Variants in EDIL3 observed in about 807,000 individuals in gnomAD.
EDIL3 encodes the protein EGF-like repeat and discoidin I-like domain-containing protein 3.
A neutral mutation model predicts 67.4 loss-of-function variants in EDIL3; 37 were observed. The observed-to-expected ratio is 0.55, with a 90% CI of 0.42 to 0.72. EDIL3 has a LOEUF of 0.72. Among genes scored for constraint, EDIL3 ranks in the 30% least tolerant of loss-of-function variants. EDIL3 has a pLI of 0.00. For missense variants in EDIL3, 527 were observed against 586.3 expected (o/e 0.90, Z 1.04); for synonymous variants, 195 against 196.3 (o/e 0.99, Z 0.05).
At chr5:83,980,676 A>AAAAT (rs1744954925) in intron 9 of EDIL3, among the ~76,000 whole-genome samples, 1 of 141,054 alleles carries the variant, frequency 7.1e-6, no homozygotes, top group African/African-American at 2.6e-5. Flanking sequence ...GAAAGATTGA[A>AAAAT]ATATATATAT....
Position 84,238,763 on chromosome 5 carries a change from T to C in EDIL3, c.197-8879A>G, listed in dbSNP as rs1422022754. ...AATCATATAACATTGACAATGTAAT[T>C]TTCTTATCTGCAAAACTTGTCTCCC... is the stretch of plus-strand genomic sequence containing the variant. On this transcript the variant is annotated intron_variant, in intron 2 of 10. Coordinates refer to ENST00000296591, the MANE Select transcript of EDIL3 (RefSeq NM_005711.5). 2.0e-5 allele frequency among the ~76,000 whole-genome samples: 3 copies of C among 147,164 alleles called. No homozygotes were observed. The East Asian group carries it at 6.5e-4, about 32-fold the overall frequency.
chr5:84,059,024 A>G (rs1225165932), intron 9 of EDIL3, among the ~76,000 whole-genome samples: 1 of 152,088 alleles, frequency 6.6e-6, no homozygotes, highest in Non-Finnish European at 1.5e-5. Flanking sequence ...CTAGATCAAT[A>G]AAAAATGTTA....
At chr5:84,237,381 T>A (rs142316536) in intron 2 of EDIL3, among the ~76,000 whole-genome samples, 78 of 152,186 alleles carry the variant, frequency 5.1e-4, no homozygotes, top group African/African-American at 1.7e-3. Context: ...GACTTAATGA[T>A]TAAGAGTGTT....
At chr5:84,016,861 G>T (rs1276588374) in intron 9 of EDIL3, among the ~76,000 whole-genome samples, 1 of 152,152 alleles carries the variant, frequency 6.6e-6, no homozygotes, top group Admixed American at 6.6e-5. Flanking sequence ...TAAAGTCTTT[G>T]TATAAAGAGA....
At chr5:84,299,102 A>T (rs1746104318) in intron 1 of EDIL3, among the ~76,000 whole-genome samples, 1 of 152,206 alleles carries the variant, frequency 6.6e-6, no homozygotes, top group Admixed American at 6.5e-5. Flanking sequence ...AATATTCTGT[A>T]AGTAGGTTGC....
rs115023142 is a variant in EDIL3 at position 84,214,594 on chromosome 5, C to T, written c.226+15261G>A. Among the ~76,000 whole-genome samples, 480 of 152,236 alleles carry T rather than the reference C, an allele frequency of 3.2e-3. 3 individuals are homozygous for T. Among genetic ancestry groups the T allele is most frequent in the African/African-American group, 0.01 (430 of 41,534 alleles). On this transcript the variant is annotated intron_variant, in intron 3 of 10. Coordinates refer to ENST00000296591, the MANE Select transcript of EDIL3 (RefSeq NM_005711.5). ...GACAAGGAGAGTTGCCTGTAATTTACAGCATCTTTAATATTCTTATCAAAT... is the reference window on the plus strand; with the variant it reads ...GACAAGGAGAGTTGCCTGTAATTTATAGCATCTTTAATATTCTTATCAAAT...
At chr5:83,949,101 TG>T (rs1744363024) in intron 10 of EDIL3, among the ~76,000 whole-genome samples, 1 of 151,820 alleles carries the variant, frequency 6.6e-6, no homozygotes, top group Non-Finnish European at 1.5e-5. Context: ...CAGTAGACTT[TG>T]TTAATAAGTG....
intron 1 of EDIL3, among the ~76,000 whole-genome samples, chr5:84,254,815 G>A (rs1328698736): frequency 1.3e-5 from 2 of 152,194 alleles, no homozygotes; most frequent in Non-Finnish European, 2.9e-5. Context: ...GAAAGAAACT[G>A]CTACAGAGAA....
chr5:84,241,345 C>A (rs1744789469), intron 2 of EDIL3, among the ~76,000 whole-genome samples: 1 of 152,168 alleles, frequency 6.6e-6, no homozygotes, highest in African/African-American at 2.4e-5. Flanking sequence ...GTTGATCTAT[C>A]ATATCCAAGA....
intron 3 of EDIL3, among the ~76,000 whole-genome samples, chr5:84,205,041 T>C (rs1743935004): frequency 6.6e-6 from 1 of 151,400 alleles, no homozygotes; most frequent in African/African-American, 2.4e-5. Flanking sequence ...GCCTCCCATG[T>C]AGCTGGGACT....
intron 4 of EDIL3, among the ~76,000 whole-genome samples, chr5:84,141,767 T>C (rs1041912782): frequency 1.2e-4 from 18 of 149,386 alleles, no homozygotes; most frequent in African/African-American, 3.9e-4. Flanking sequence ...TCTTTATCGG[T>C]ATGTCATACA....
At chr5:84,191,082 T>G (rs1380181324) in intron 3 of EDIL3, among the ~76,000 whole-genome samples, 1 of 152,072 alleles carries the variant, frequency 6.6e-6, no homozygotes, top group Non-Finnish European at 1.5e-5. Flanking sequence ...CTAGCAGGTT[T>G]CAACAACTCA....
At chr5:84,049,150 T>C (rs1312752535) in intron 9 of EDIL3, among the ~76,000 whole-genome samples, 3 of 152,204 alleles carry the variant, frequency 2.0e-5, no homozygotes, top group African/African-American at 7.2e-5. Context: ...TGATGCTACC[T>C]AGATATAGAC....
chr5:84,256,816 C>G (rs1745131780), intron 1 of EDIL3, among the ~76,000 whole-genome samples: 1 of 151,972 alleles, frequency 6.6e-6, no homozygotes. Flanking sequence ...TTGAAGTAGT[C>G]TCAAAAAAAA....
intron 9 of EDIL3, among the ~76,000 whole-genome samples, chr5:83,990,120 G>A (rs1301627378): frequency 1.3e-5 from 2 of 152,130 alleles, no homozygotes; most frequent in East Asian, 3.9e-4. Flanking sequence ...AGCCAGGTCT[G>A]GACTCCTGAG....
At chr5:84,172,151 A>AT (rs1435980866) in intron 4 of EDIL3, among the ~76,000 whole-genome samples, 1 of 152,110 alleles carries the variant, frequency 6.6e-6, no homozygotes, top group African/African-American at 2.4e-5. Context: ...AAATTTCTCG[A>AT]TTCTAGTCTG....
chr5:84,010,373 A>G (rs2301074), intron 9 of EDIL3, among the ~76,000 whole-genome samples: 57,615 of 151,962 alleles, frequency 0.38, 11,043 homozygotes, highest in East Asian at 0.46. Flanking sequence ...ATTCTTTATA[A>G]CATTTTGCTT....
At chr5:84,035,808 C>A (rs1746012529) in intron 9 of EDIL3, among the ~76,000 whole-genome samples, 1 of 152,170 alleles carries the variant, frequency 6.6e-6, no homozygotes, top group African/African-American at 2.4e-5. Flanking sequence ...CTCAGTATAT[C>A]TTTCTGAATT....
intron 1 of EDIL3, among the ~76,000 whole-genome samples, chr5:84,258,553 G>A (rs1482322993): frequency 6.6e-6 from 1 of 152,166 alleles, no homozygotes; most frequent in Non-Finnish European, 1.5e-5. Flanking sequence ...GCAGGAGGCT[G>A]TCAGCTAACT....
Sources: allele counts gnomAD v4.1 joint callset (sites outside exome capture counted in the v4.1 genomes callset), GRCh38; gene constraint gnomAD v4.1.1; transcripts MANE v1.5; gene names NCBI Gene and HGNC (gene_info 2026-07-23, HGNC 2026-07-21).